Variants in NGDN observed in about 807,000 individuals in gnomAD.
The protein encoded by NGDN is neuroguidin, also known as EIF4E-binding protein.
NGDN carries 41 observed loss-of-function variants against 45.2 expected under a neutral mutation model. The observed-to-expected ratio is 0.91, with a 90% CI of 0.71 to 1.18. The LOEUF (loss-of-function observed/expected upper bound fraction) is 1.18. NGDN is among the 50% of genes most tolerant of loss of function. NGDN has a pLI of 0.00. For synonymous variants in NGDN, 137 were observed against 130.9 expected, an observed-to-expected ratio of 1.05 and a Z score of -0.32; for missense variants, 402 against 399.9, an observed-to-expected ratio of 1.01 and a Z score of -0.05.
In NGDN at chr14:23,477,348, C is replaced by T; in HGVS notation, c.862C>T (p.Leu288Phe). The T allele has an allele frequency of 6.2e-7, 1 of 1,614,166 alleles. No individual in the cohort carries two copies. Among genetic ancestry groups the T allele is most frequent in the Non-Finnish European group, 8.5e-7 (1 of 1,180,020 alleles). The change falls in exon 9 of 11, where the codon CTT becomes TTT. Residue 288 changes from leucine (L) to phenylalanine (F), a missense_variant. Physicochemically the swap from Leu to Phe is conservative, Grantham distance 22. Coordinates refer to ENST00000408901, the MANE Select transcript of NGDN (RefSeq NM_001042635.2). ...ISALTGGTVH[L>F]DEDQNPIKKR... ...TGCTTTGACAGGGGGAACTGTTCATCTTGATGAGGTGAGGTTGAGATATGG... is the reference window on the plus strand; with the variant it reads ...TGCTTTGACAGGGGGAACTGTTCATTTTGATGAGGTGAGGTTGAGATATGG...
At chr14:23,478,214 G>C, downstream of NGDN, 2 of 515,160 alleles carry the variant, frequency 3.9e-6, no homozygotes, top group Non-Finnish European at 6.5e-6. Flanking sequence ...GACTGGAGTC[G>C]TTGGGTTTGG....
intron 3 of NGDN, among the ~76,000 whole-genome samples, chr14:23,474,353 A>G (rs1893850194): frequency 6.6e-6 from 1 of 152,238 alleles, no homozygotes. Flanking sequence ...TAAAAGCCCA[A>G]AGAAAAAAAT....
At chr14:23,472,626 C>G (rs1250412674) in intron 3 of NGDN, among the ~76,000 whole-genome samples, 2 of 152,188 alleles carry the variant, frequency 1.3e-5, no homozygotes, top group Admixed American at 6.5e-5. Flanking sequence ...CCCTACTTAA[C>G]TGGAAAACTC....
In NGDN at chr14:23,469,766, G is replaced by A. The variant is rs778890642; in HGVS notation, c.12+39G>A. On this transcript the variant is annotated intron_variant, in intron 1 of 10. Coordinates refer to ENST00000408901, the MANE Select transcript of NGDN (RefSeq NM_001042635.2). ...GGTTTCTTCCTCGCGTAGCTATTGT[G>A]GAGTTGTCCTTTGCCTTCAGCGGCT... 5.0e-6 allele frequency: 8 copies of A among 1,613,486 alleles called. No individual in the cohort carries two copies. The East Asian group carries it at 1.6e-4, about 31-fold the overall frequency.
In NGDN at chr14:23,478,160, A is replaced by G. The variant is rs778924110; in HGVS notation, c.*134A>G. On this transcript the variant is annotated 3_prime_UTR_variant, in exon 11 of 11. Transcript: ENST00000408901. Reference sequence around the variant, plus strand: ...GGAAAGAGCCTTACTAATAAAATTGATTTTGCTTATGAATTAAAGCCCCTT... The same window carrying G: ...GGAAAGAGCCTTACTAATAAAATTGGTTTTGCTTATGAATTAAAGCCCCTT... The G allele has an allele frequency of 6.6e-5, 59 of 891,072 alleles. No homozygotes were observed. Among genetic ancestry groups the G allele is most frequent in the Non-Finnish European group, 9.8e-5 (56 of 572,258 alleles). The allele number at this position is 891,072 out of a possible 1,614,324, so 55.2% of individuals were successfully genotyped here. A position where few individuals can be genotyped will look rare whatever the true frequency, so the allele number is the denominator to read the frequency against.
At chr14:23,475,362 G>A in intron 4 of NGDN, 54 bp downstream of exon 4, 4 of 1,554,952 alleles carry the variant, frequency 2.6e-6, no homozygotes, top group Non-Finnish European at 3.5e-6. Flanking sequence ...TGAGCTCCAA[G>A]GGTATCACAC....
At position 23,471,181 on chromosome 14, in the gene NGDN, G is replaced by A. The variant is rs1893769852; in HGVS notation, c.144+204G>A. ...AGTAGCAGTCACATTACAGAGTTATGAGTCTCCAGCCAAAGAGAGGGATTA... is the reference window on the plus strand; with the variant it reads ...AGTAGCAGTCACATTACAGAGTTATAAGTCTCCAGCCAAAGAGAGGGATTA... On this transcript the variant is annotated intron_variant, in intron 3 of 10. Transcript: ENST00000408901. 2.8e-5 allele frequency: 11 copies of A among 399,334 alleles called. No homozygotes were observed. The East Asian group carries it at 3.7e-4, about 13-fold the overall frequency. The allele number at this position is 399,334 out of a possible 1,614,324, so 24.7% of individuals were successfully genotyped here. A position where few individuals can be genotyped will look rare whatever the true frequency, so the allele number is the denominator to read the frequency against.
At chr14:23,476,207 C>G in intron 7 of NGDN, 32 bp from the exon 8 acceptor site, 1 of 1,613,836 alleles carries the variant, frequency 6.2e-7, no homozygotes, top group Non-Finnish European at 8.5e-7. Flanking sequence ...TTTCTCTGTT[C>G]TTGGATAACC....
chr14:23,472,834 C>T (rs1893813650), intron 3 of NGDN, among the ~76,000 whole-genome samples: 2 of 152,186 alleles, frequency 1.3e-5, no homozygotes, highest in Admixed American at 1.3e-4. Flanking sequence ...TTGTCTTTAT[C>T]ATTCACTTAT....
In NGDN at chr14:23,472,839, A is replaced by G. The variant is rs923153527; in HGVS notation, c.144+1862A>G. Reference sequence around the variant, plus strand: ...TATTCCCTTCTTGTCTTTATCATTCACTTATGTTCTTATTGTCCATTTTTA... The same window carrying G: ...TATTCCCTTCTTGTCTTTATCATTCGCTTATGTTCTTATTGTCCATTTTTA... On this transcript the variant is annotated intron_variant, in intron 3 of 10. Transcript: ENST00000408901. Among the ~76,000 whole-genome samples the G allele has an allele frequency of 9.8e-5, 15 of 152,314 alleles. No individual in the cohort carries two copies. In the South Asian group the frequency reaches 2.1e-3, roughly 21 times the overall value.
At chr14:23,470,769 GA>G in intron 2 of NGDN, 136 bp from the exon 3 acceptor site, 1 of 541,526 alleles carries the variant, frequency 1.8e-6, no homozygotes, top group Non-Finnish European at 3.2e-6. Flanking sequence ...TGCTTTCCGA[GA>G]AGTGAGAAGA....
At chr14:23,472,184 A>C (rs1365590117) in intron 3 of NGDN, among the ~76,000 whole-genome samples, 1 of 130,324 alleles carries the variant, frequency 7.7e-6, no homozygotes, top group Non-Finnish European at 1.6e-5. Flanking sequence ...GACTGTCTTA[A>C]AAAAAAAAAA....
rs150794788 is a variant in NGDN at position 23,477,236 on chromosome 14, C to T, written c.750C>T (p.Ser250=). The change falls in exon 9 of 11, where the codon AGC becomes AGT. Residue 250 remains serine, a synonymous_variant. Coordinates refer to ENST00000408901, the MANE Select transcript of NGDN (RefSeq NM_001042635.2). ...NYEESMMVRL[S]VSKREKGRRK... ...AGGAGAGCATGATGGTGCGTTTGAG[C>T]GTCAGTAAGCGAGAGAAAGGACGGC... The T allele has an allele frequency of 1.3e-4, 217 of 1,613,962 alleles. 1 individual carries two copies. Among genetic ancestry groups the T allele is most frequent in the Admixed American group, 2.0e-4 (12 of 59,990 alleles).
Position 23,477,532 on chromosome 14 carries a change from G to A in NGDN, c.900G>A (p.Lys300=). Reference sequence around the variant, plus strand: ...AGAATCCTATTAAGAAGCGGAAGAAGATACCTCAGAAAGGTCGGAAGAAAA... The same window carrying A: ...AGAATCCTATTAAGAAGCGGAAGAAAATACCTCAGAAAGGTCGGAAGAAAA... ...EDQNPIKKRK[K]IPQKGRKKKG... Residue 300 remains lysine, a synonymous_variant, in exon 10 of 11, where the codon AAG becomes AAA. Transcript: ENST00000408901. 6.2e-7 allele frequency: 1 copy of A among 1,614,188 alleles called. No individual in the cohort carries two copies. The highest frequency in any genetic ancestry group is 8.5e-7 in the Non-Finnish European group (1 of 1,180,038).
chr14:23,469,977 G>T (rs928859051), intron 1 of NGDN, 65 bp from the exon 2 acceptor site: 1 of 1,562,652 alleles, frequency 6.4e-7, no homozygotes, highest in Non-Finnish European at 8.8e-7. Context: ...CACCCTAGAC[G>T]TTCCACTTTC....
At chr14:23,478,551 C>T (rs375201796), downstream of NGDN, 2 of 153,048 alleles carry the variant, frequency 1.3e-5, no homozygotes, top group African/African-American at 4.8e-5. Context: ...AGAACCTTTC[C>T]ACATCAGCAA....
Position 23,476,019 on chromosome 14 carries a change from T to A in NGDN, c.421-10T>A, listed in dbSNP as rs773435210. ...GCTTCCTAAATTTGCAGACATTGTT[T>A]CTTTTGTAGTTGAGCTCTGAGGATG... On this transcript the variant is annotated splice_polypyrimidine_tract_variant and intron_variant, in intron 6 of 10. Coordinates refer to ENST00000408901, the MANE Select transcript of NGDN (RefSeq NM_001042635.2). 1 of 1,614,162 alleles carries A rather than the reference T, an allele frequency of 6.2e-7. No homozygotes were observed. Among genetic ancestry groups the A allele is most frequent in the Admixed American group, 1.7e-5 (1 of 60,022 alleles).
chr14:23,474,797 G>T (rs1030145200), intron 3 of NGDN, among the ~76,000 whole-genome samples: 6 of 152,206 alleles, frequency 3.9e-5, no homozygotes, highest in Admixed American at 3.9e-4. Context: ...GGGGCCATCC[G>T]TGGGAAGAGG....
intron 3 of NGDN, 107 bp downstream of exon 3, chr14:23,471,084 A>G (rs1321863663): frequency 1.5e-5 from 10 of 683,150 alleles, no homozygotes; most frequent in Non-Finnish European, 2.3e-5. Context: ...AGCTTCAAAC[A>G]TAAATATGAT....
Sources: gnomAD v4.1 joint callset for allele counts (sites outside exome capture counted in the v4.1 genomes callset) on GRCh38, gnomAD v4.1.1 for gene constraint, MANE v1.5 for transcripts, NCBI Gene and HGNC (gene_info 2026-07-23, HGNC 2026-07-21) for gene names.